Variants in TEAD2 observed in about 807,000 individuals in gnomAD.
TEAD2 encodes transcriptional enhancer factor TEF-4.
Under a neutral mutation model 61.4 loss-of-function variants are expected in TEAD2, and 51 were observed. The ratio of observed to expected loss-of-function variants is 0.83; its 90% CI spans 0.66 to 1.05. TEAD2 has a LOEUF of 1.05. Among genes scored for constraint, TEAD2 ranks in the 50% least tolerant of loss-of-function variants. TEAD2 has a pLI of 0.00. For missense variants in TEAD2, 509 were observed against 600.0 expected (o/e 0.85, Z 1.58); for synonymous variants, 244 against 243.2 (o/e 1.00, Z -0.03).
intron 10 of TEAD2, among the ~76,000 whole-genome samples, chr19:49,343,989 G>A (rs902328162): frequency 6.6e-6 from 1 of 151,958 alleles, no homozygotes; most frequent in Non-Finnish European, 1.5e-5. Flanking sequence ...AGGACCACAG[G>A]TGCATGCCAC....
chr19:49,344,909 C>T (rs1367677118), intron 10 of TEAD2, among the ~76,000 whole-genome samples: 1 of 152,228 alleles, frequency 6.6e-6, no homozygotes, highest in Non-Finnish European at 1.5e-5. Context: ...AAGAGCTCAT[C>T]ACACCTTTGG....
chr19:49,360,752 GGGAGGGGGA>G (rs1972798305), intron 1 of TEAD2, among the ~76,000 whole-genome samples: 1 of 85,236 alleles, frequency 1.2e-5, no homozygotes, highest in Non-Finnish European at 2.7e-5. Context: ...GACCCAGAGA[GGGAGGGGGA>G]CAGAGACCCA....
At chr19:49,358,762 A>C (rs1972585307) in intron 3 of TEAD2, among the ~76,000 whole-genome samples, 1 of 151,052 alleles carries the variant, frequency 6.6e-6, no homozygotes, top group Non-Finnish European at 1.5e-5. Flanking sequence ...CCTCCCGAGT[A>C]GCTGGGATTA....
intron 7 of TEAD2, 123 bp downstream of exon 7, chr19:49,355,021 GCATA>G (rs113350132): frequency 7.3e-4 from 453 of 621,502 alleles, no homozygotes; most frequent in South Asian, 1.3e-3. Context: ...ATACATACAT[GCATA>G]CATACATACA....
chr19:49,360,953 A>G (rs1386100323), intron 1 of TEAD2, among the ~76,000 whole-genome samples: 3 of 111,152 alleles, frequency 2.7e-5, no homozygotes, highest in African/African-American at 1.1e-4. Context: ...GGGGACAGAG[A>G]CCAGTGACGG....
intron 10 of TEAD2, among the ~76,000 whole-genome samples, chr19:49,345,534 T>C (rs1477538439): frequency 6.6e-6 from 1 of 152,002 alleles, no homozygotes; most frequent in African/African-American, 2.4e-5. Context: ...TTTCATTTTT[T>C]GTAGAGTTGA....
In TEAD2 at chr19:49,359,883, G is replaced by T. The variant is rs201261101; in HGVS notation, c.193C>A (p.Arg65Ser). The change falls in exon 2 of 13, where the codon CGC becomes AGC. Residue 65 changes from arginine (R) to serine (S), a missense_variant. Arg to Ser is a moderately radical substitution (Grantham distance 110, BLOSUM62 -1). Coordinates refer to ENST00000593945, the MANE Select transcript of TEAD2 (RefSeq NM_001256660.2). The surrounding 1 kb of genome is among the most constrained non-coding windows in gnomAD (Gnocchi z 4.1). ...TCATCAGACAAAATTATTTTCCGGC[G>T]GCCGCAGGGTGGATAGATGGCCAGG... ...EALAIYPPCG[R>S]RKIILSDEGK... The T allele has an allele frequency of 1.2e-6, 2 of 1,613,664 alleles. No individual in the cohort carries two copies. The highest frequency in any genetic ancestry group is 8.5e-7 in the Non-Finnish European group (1 of 1,180,012).
chr19:49,354,997 A>G (rs990642663), intron 7 of TEAD2, 151 bp downstream of exon 7: 6 of 637,064 alleles, frequency 9.4e-6, no homozygotes, highest in African/African-American at 7.4e-5. Context: ...GCAAGACTCC[A>G]TGTCAATAAA....
rs189198093 is a variant in TEAD2 at position 49,359,412 on chromosome 19, A to G, written c.297+23T>C. On this transcript the variant is annotated intron_variant, in intron 3 of 12. Transcript: ENST00000593945. This position sits in a 1 kb window ranked among gnomAD's most constrained non-coding sequence, Gnocchi z 4.1. ...AGAAGACCGGCCCATCCCAGACAGAAGCCCACAAGTCCATTCCGAGACCTG... is the reference window on the plus strand; with the variant it reads ...AGAAGACCGGCCCATCCCAGACAGAGGCCCACAAGTCCATTCCGAGACCTG... 329 of 1,613,436 alleles carry G rather than the reference A, an allele frequency of 2.0e-4. No individual in the cohort carries two copies. The highest frequency in any genetic ancestry group is 2.6e-4 in the Non-Finnish European group (307 of 1,179,472).
chr19:49,347,439 T>A lies in TEAD2; in HGVS notation c.748-76A>T. ...GCCTGTGCTGCCTGAGCCCACCAAA[T>A]GCCGTCACCATCCCCACAGCTCTGG... On this transcript the variant is annotated intron_variant, in intron 9 of 12. Transcript: ENST00000593945. 2.6e-6 allele frequency: 4 copies of A among 1,525,340 alleles called. No homozygotes were observed. In the African/African-American group the frequency reaches 4.1e-5, roughly 16 times the overall value. 94.5% of individuals were successfully genotyped at this position (1,525,340 alleles called of 1,614,324 possible).
At chr19:49,353,952 T>TTTA (rs1555784481) in intron 7 of TEAD2, among the ~76,000 whole-genome samples, 25,257 of 120,660 alleles carry the variant, frequency 0.21, 2,661 homozygotes, top group Non-Finnish European at 0.25. Context: ...AGCTAATTGT[T>TTTA]TTTTGTTTTT....
chr19:49,356,746 G>A (rs1010968256), intron 4 of TEAD2, among the ~76,000 whole-genome samples: 3 of 151,994 alleles, frequency 2.0e-5, no homozygotes, highest in African/African-American at 4.8e-5. Flanking sequence ...GGGGACCGAC[G>A]GCCCATCCTT....
rs1392366209 is a variant in TEAD2, at chr19:49,360,119, C to T, written c.-6-38G>A. ...AGAACTCAGCAAGCTTCCCCCAAAC[C>T]CCACCCTCAAGGGACTTGAAGCTGA... On this transcript the variant is annotated intron_variant, in intron 1 of 12. Coordinates refer to ENST00000593945, the MANE Select transcript of TEAD2 (RefSeq NM_001256660.2). The T allele has an allele frequency of 5.2e-6, 8 of 1,536,750 alleles. No individual in the cohort carries two copies. In the African/African-American group the frequency reaches 9.5e-5, roughly 18 times the overall value.
intron 1 of TEAD2, chr19:49,360,351 C>A: frequency 2.1e-6 from 1 of 470,732 alleles, no homozygotes; most frequent in South Asian, 3.7e-5. Flanking sequence ...ACTCCTGGGT[C>A]TGAGGGAGCG....
At chr19:49,355,773 G>A (rs1049183175) in intron 5 of TEAD2, among the ~76,000 whole-genome samples, 186 bp downstream of exon 5, 6 of 151,348 alleles carry the variant, frequency 4.0e-5, no homozygotes, top group African/African-American at 1.2e-4. Flanking sequence ...GTTGCAGTGA[G>A]TGGAGATCGT....
intron 1 of TEAD2, among the ~76,000 whole-genome samples, chr19:49,361,070 A>G (rs1373705826): frequency 1.7e-5 from 2 of 119,330 alleles, no homozygotes; most frequent in African/African-American, 6.9e-5. Context: ...AGAGACCCAG[A>G]GAGAGGGACA....
At position 49,359,557 on chromosome 19, in the gene TEAD2, C is replaced by T. The variant is rs982515130; in HGVS notation, c.233-58G>A. The T allele has an allele frequency of 3.2e-6, 5 of 1,578,250 alleles. No individual in the cohort carries two copies. The African/African-American group carries it at 6.7e-5, about 21-fold the overall frequency. ...GACTTTCAACAGAACTTCCCCACAG[C>T]ATGGACACCAGGGAAGAAGAAAGCA... On this transcript the variant is annotated intron_variant, in intron 2 of 12. Transcript: ENST00000593945. This position sits in a 1 kb window ranked among gnomAD's most constrained non-coding sequence, Gnocchi z 4.1.
At position 49,341,462 on chromosome 19, in the gene TEAD2, A is replaced by G; in HGVS notation, c.1243-25T>C. The G allele has an allele frequency of 6.2e-7, 1 of 1,600,052 alleles. No homozygotes were observed. The highest frequency in any genetic ancestry group is 8.6e-7 in the Non-Finnish European group (1 of 1,167,772). ...CCTGCCAGGAAGGCCAGGACAAGGG[A>G]CTTATGCTTAGAAGGGAGGGCAGGG... On this transcript the variant is annotated intron_variant, in intron 12 of 12. Coordinates refer to ENST00000593945, the MANE Select transcript of TEAD2 (RefSeq NM_001256660.2). The surrounding 1 kb of genome is among the most constrained non-coding windows in gnomAD (Gnocchi z 4.2).
At chr19:49,344,626 C>T (rs1012276941) in intron 10 of TEAD2, among the ~76,000 whole-genome samples, 3 of 152,144 alleles carry the variant, frequency 2.0e-5, no homozygotes, top group Admixed American at 6.5e-5. Flanking sequence ...GAGTTCAGCC[C>T]CTTCCAAGGG....
Sources: allele counts gnomAD v4.1 joint callset (sites outside exome capture counted in the v4.1 genomes callset), GRCh38; gene constraint gnomAD v4.1.1; non-coding constraint Gnocchi (gnomAD v3.1); transcripts MANE v1.5; gene names NCBI Gene and HGNC (gene_info 2026-07-23, HGNC 2026-07-21).